Variants in CPE observed in about 807,000 individuals in gnomAD.
The protein encoded by CPE is carbocypeptidase E.
CPE carries 17 observed loss-of-function variants against 53.5 expected under a neutral mutation model. That is an observed-to-expected ratio of 0.32 (90% CI 0.22 to 0.48). The LOEUF (loss-of-function observed/expected upper bound fraction) is 0.48. CPE is among the 20% of genes least tolerant of loss of function. The probability of loss-of-function intolerance (pLI) is 0.99; values close to 1 mark genes in which losing one functional copy is unlikely to be tolerated. For synonymous variants in CPE, 226 were observed against 228.8 expected (o/e 0.99, Z 0.11); for missense variants, 524 against 614.7 (o/e 0.85, Z 1.56).
intron 1 of CPE, chr4:165,404,470 A>T (rs1441057419): frequency 2.6e-6 from 2 of 776,638 alleles, no homozygotes; most frequent in Non-Finnish European, 4.8e-6. Flanking sequence ...CAGACTGGCG[A>T]CCTAGGAAGC....
chr4:165,380,185 C>G (rs1235297012), intron 1 of CPE, among the ~76,000 whole-genome samples: 1 of 152,102 alleles, frequency 6.6e-6, no homozygotes, highest in South Asian at 2.1e-4. Flanking sequence ...TATAAAGATA[C>G]GTTGGTGCCC....
chr4:165,422,506 G>T (rs551178335), intron 1 of CPE, among the ~76,000 whole-genome samples: 11 of 152,142 alleles, frequency 7.2e-5, no homozygotes, highest in African/African-American at 2.4e-4. Flanking sequence ...TATTGCTATT[G>T]CAAACCAGAG....
chr4:165,426,827 A>C (rs1192766685), intron 1 of CPE, among the ~76,000 whole-genome samples: 2 of 152,234 alleles, frequency 1.3e-5, no homozygotes, highest in Non-Finnish European at 2.9e-5. Flanking sequence ...CACAACCAAG[A>C]AAATTAAGGA....
At chr4:165,496,567 T>C (rs1156420325) in intron 8 of CPE, among the ~76,000 whole-genome samples, 1 of 152,166 alleles carries the variant, frequency 6.6e-6, no homozygotes, top group African/African-American at 2.4e-5. Flanking sequence ...TCCAAAATAA[T>C]CAGGCGTTTA....
chr4:165,452,128 G>A (rs759651959), intron 1 of CPE, among the ~76,000 whole-genome samples: 8 of 152,218 alleles, frequency 5.3e-5, no homozygotes, highest in Middle Eastern at 3.4e-3. Flanking sequence ...GGAGAGGGCA[G>A]AATGATAGAT....
rs148984200 is a variant in CPE, at chr4:165,400,497, C to T, written c.307+20969C>T. Among the ~76,000 whole-genome samples the T allele has an allele frequency of 3.0e-3, 451 of 152,158 alleles. 1 individual carries two copies. The highest frequency in any genetic ancestry group is 4.8e-3 in the Admixed American group (73 of 15,292). ...TGGGGGCATATGACGATGCCCAGTG[C>T]TGTGGAAGTTAATGAAGCAGAGGAT... is the stretch of plus-strand genomic sequence containing the variant. On this transcript the variant is annotated intron_variant, in intron 1 of 8. Coordinates refer to ENST00000402744, the MANE Select transcript of CPE (RefSeq NM_001873.4).
intron 3 of CPE, among the ~76,000 whole-genome samples, chr4:165,470,117 T>TAA (rs1280937725): frequency 1.3e-5 from 2 of 152,170 alleles, no homozygotes; most frequent in Non-Finnish European, 2.9e-5. Flanking sequence ...AGTGAGAGAC[T>TAA]AAAGCAAGTT....
intron 3 of CPE, among the ~76,000 whole-genome samples, chr4:165,469,075 C>A (rs1340001390): frequency 2.6e-5 from 4 of 152,170 alleles, no homozygotes; most frequent in African/African-American, 9.7e-5. Context: ...GAAGCCAGGA[C>A]CTGGAACTTT....
At chr4:165,479,446 A>C (rs1246788954) in intron 3 of CPE, among the ~76,000 whole-genome samples, 2 of 152,336 alleles carry the variant, frequency 1.3e-5, no homozygotes, top group South Asian at 2.1e-4. Context: ...GTAAGGATGT[A>C]ATACTTAGAG....
intron 1 of CPE, among the ~76,000 whole-genome samples, chr4:165,462,205 A>G (rs1232323965): frequency 6.6e-6 from 1 of 152,224 alleles, no homozygotes; most frequent in African/African-American, 2.4e-5. Context: ...AGCCTGTGGC[A>G]GAACTAGGGG....
intron 1 of CPE, among the ~76,000 whole-genome samples, chr4:165,384,020 C>G (rs1730545804): frequency 6.6e-6 from 1 of 152,186 alleles, no homozygotes; most frequent in African/African-American, 2.4e-5. Context: ...ACAAAAGAGG[C>G]AGCTTTCTGT....
Position 165,452,461 on chromosome 4 carries a change from G to A in CPE, c.308-11929G>A, listed in dbSNP as rs796097909. 4.6e-5 allele frequency among the ~76,000 whole-genome samples: 7 copies of A among 151,972 alleles called. 1 individual carries two copies. The South Asian group carries it at 6.3e-4, about 14-fold the overall frequency. On this transcript the variant is annotated intron_variant, in intron 1 of 8. Coordinates refer to ENST00000402744, the MANE Select transcript of CPE (RefSeq NM_001873.4). ...CATTAAAAAAAGAAAATAAACCTGT[G>A]TATAGGCATATGCTGATATTTATTG... is the stretch of plus-strand genomic sequence containing the variant.
At chr4:165,490,948 G>A (rs1732592343) in intron 6 of CPE, among the ~76,000 whole-genome samples, 1 of 152,186 alleles carries the variant, frequency 6.6e-6, no homozygotes, top group Admixed American at 6.5e-5. Context: ...CTCCAGGCAT[G>A]AGTGAAATTT....
intron 3 of CPE, 33 bp from the exon 4 acceptor site, chr4:165,482,209 A>C: frequency 7.1e-7 from 1 of 1,402,180 alleles, no homozygotes; most frequent in East Asian, 2.3e-5. Context: ...TGATTATTAA[A>C]TTTATAATCC....
chr4:165,413,171 T>TA (rs1172921948), intron 1 of CPE, among the ~76,000 whole-genome samples: 2 of 152,234 alleles, frequency 1.3e-5, no homozygotes, highest in Non-Finnish European at 2.9e-5. Context: ...TCTTCCCTCT[T>TA]ACTCTACCCT....
chr4:165,398,623 G>T (rs1436240503), intron 1 of CPE, among the ~76,000 whole-genome samples: 1 of 152,180 alleles, frequency 6.6e-6, no homozygotes, highest in African/African-American at 2.4e-5. Context: ...AAAGTATCTG[G>T]TGATCATAGT....
chr4:165,407,333 T>C (rs1730968849), intron 1 of CPE, among the ~76,000 whole-genome samples: 1 of 152,194 alleles, frequency 6.6e-6, no homozygotes, highest in African/African-American at 2.4e-5. Flanking sequence ...ATTTCCTTGA[T>C]GGCTAATGAC....
intron 1 of CPE, among the ~76,000 whole-genome samples, chr4:165,463,235 G>A (rs1467476347): frequency 6.6e-6 from 1 of 152,084 alleles, no homozygotes; most frequent in East Asian, 1.9e-4. Flanking sequence ...ACATTTTAGT[G>A]GGCTGTTGTG....
At chr4:165,468,437 T>C (rs1732146048) in intron 3 of CPE, among the ~76,000 whole-genome samples, 1 of 152,160 alleles carries the variant, frequency 6.6e-6, no homozygotes, top group South Asian at 2.1e-4. Context: ...TCCACAGAGA[T>C]TTATGTCTCT....
Sources: allele counts gnomAD v4.1 joint callset (sites outside exome capture counted in the v4.1 genomes callset), GRCh38; gene constraint gnomAD v4.1.1; transcripts MANE v1.5; gene names NCBI Gene and HGNC (gene_info 2026-07-23, HGNC 2026-07-21).